The following CAMK4 variants were observed in gnomAD, a reference collection of about 807,000 sequenced individuals.
CAMK4 encodes calcium/calmodulin dependent protein kinase IV, also known as calcium/calmodulin-dependent protein kinase type IV.
A neutral mutation model predicts 44.9 loss-of-function variants in CAMK4; 22 were observed. The observed-to-expected ratio is 0.49, with a 90% CI of 0.35 to 0.70. The LOEUF (loss-of-function observed/expected upper bound fraction) is 0.70. Among genes scored for constraint, CAMK4 ranks in the 30% least tolerant of loss-of-function variants. The pLI is 0.01. For synonymous variants in CAMK4, 218 were observed against 215.4 expected (o/e 1.01, Z -0.11); for missense variants, 498 against 586.8 (o/e 0.85, Z 1.56).
At chr5:111,399,826 T>A (rs1466091499) in intron 5 of CAMK4, among the ~76,000 whole-genome samples, 1 of 152,220 alleles carries the variant, frequency 6.6e-6, no homozygotes, top group Non-Finnish European at 1.5e-5. Flanking sequence ...TCCGTTCAGA[T>A]CAGCTCTTGA....
intron 1 of CAMK4, among the ~76,000 whole-genome samples, chr5:111,284,621 A>G (rs1751166034): frequency 6.6e-6 from 1 of 152,200 alleles, no homozygotes; most frequent in Non-Finnish European, 1.5e-5. Flanking sequence ...GAGCTGCAAG[A>G]ACTTCCCTGG....
chr5:111,308,735 A>T (rs1387864993), intron 1 of CAMK4, among the ~76,000 whole-genome samples: 1 of 152,224 alleles, frequency 6.6e-6, no homozygotes, highest in East Asian at 1.9e-4. Context: ...ATAGCTTATT[A>T]CCGGAGCTTT....
At chr5:111,330,093 C>G (rs1205160457) in intron 1 of CAMK4, among the ~76,000 whole-genome samples, 8 of 143,970 alleles carry the variant, frequency 5.6e-5, no homozygotes, top group African/African-American at 2.0e-4. Flanking sequence ...CTCCCCACCA[C>G]CCCTACAAAA....
At chr5:111,383,560 A>G (rs544801270) in intron 4 of CAMK4, among the ~76,000 whole-genome samples, 1 of 152,164 alleles carries the variant, frequency 6.6e-6, no homozygotes, top group Non-Finnish European at 1.5e-5. Context: ...CCATGGAGGC[A>G]GTACAGTGGG....
At chr5:111,267,703 C>CAA (rs59699712) in intron 1 of CAMK4, among the ~76,000 whole-genome samples, 445 of 71,400 alleles carry the variant, frequency 6.2e-3, no homozygotes, top group East Asian at 7.0e-3. Flanking sequence ...GACTCCGTCT[C>CAA]AAAAAAAAAA....
intron 5 of CAMK4, among the ~76,000 whole-genome samples, chr5:111,432,872 T>C (rs1313222924): frequency 6.6e-6 from 1 of 152,010 alleles, no homozygotes; most frequent in Non-Finnish European, 1.5e-5. Flanking sequence ...AAAAACCTAC[T>C]AAATACCATG....
chr5:111,339,194 T>C (rs141968704), intron 1 of CAMK4, among the ~76,000 whole-genome samples: 176 of 151,476 alleles, frequency 1.2e-3, no homozygotes, highest in African/African-American at 4.1e-3. Flanking sequence ...TTTATTCTGC[T>C]GATTGTCTCC....
At chr5:111,225,847 A>T (rs967852650) in intron 1 of CAMK4, among the ~76,000 whole-genome samples, 1 of 152,200 alleles carries the variant, frequency 6.6e-6, no homozygotes, top group African/African-American at 2.4e-5. Flanking sequence ...CACTGTTAAA[A>T]ATGTTTTGAA....
rs73216049 is a variant in CAMK4 at position 111,394,789 on chromosome 5, A to G, written c.459+7A>G. 522 of 1,573,922 alleles carry G rather than the reference A, an allele frequency of 3.3e-4. 2 individuals carry two copies. In the African/African-American group the frequency reaches 6.0e-3, roughly 18 times the overall value. Reference sequence around the variant, plus strand: ...AATCCTGGAGGCAGTTGCTGTAAGTATGAAGTAACAGCAATGGTGTAACTC... The same window carrying G: ...AATCCTGGAGGCAGTTGCTGTAAGTGTGAAGTAACAGCAATGGTGTAACTC... On this transcript the variant is annotated splice_region_variant and intron_variant, in intron 5 of 10. Transcript: ENST00000282356.
At chr5:111,420,496 G>A (rs2112915845) in intron 5 of CAMK4, among the ~76,000 whole-genome samples, 1 of 152,284 alleles carries the variant, frequency 6.6e-6, no homozygotes, top group South Asian at 2.1e-4. Context: ...AGTGGTGAGA[G>A]AGGGCATCCC....
chr5:111,418,739 A>G (rs1752908006), intron 5 of CAMK4, among the ~76,000 whole-genome samples: 1 of 152,064 alleles, frequency 6.6e-6, no homozygotes, highest in African/African-American at 2.4e-5. Flanking sequence ...GATGGTTTCC[A>G]GTTTCATCCA....
intron 5 of CAMK4, among the ~76,000 whole-genome samples, chr5:111,409,173 C>T (rs939436314): frequency 2.0e-5 from 3 of 152,222 alleles, no homozygotes; most frequent in Admixed American, 1.3e-4. Context: ...CCCCTCTGCA[C>T]TACCCTAGCA....
At chr5:111,403,065 C>T (rs532566426) in intron 5 of CAMK4, among the ~76,000 whole-genome samples, 2 of 152,240 alleles carry the variant, frequency 1.3e-5, no homozygotes, top group South Asian at 4.2e-4. Flanking sequence ...GTATAATTTT[C>T]CATCCATTTA....
rs1242068288 is a variant in CAMK4 at position 111,485,300 on chromosome 5, C to A, written c.*834C>A. 6.6e-6 allele frequency: 1 copy of A among 152,124 alleles called. No homozygotes were observed. Among genetic ancestry groups the A allele is most frequent in the South Asian group, 2.1e-4 (1 of 4,822 alleles). The allele number at this position is 152,124 out of a possible 1,614,324, so 9.4% of individuals were successfully genotyped here. On this transcript the variant is annotated 3_prime_UTR_variant, in exon 11 of 11. Transcript: ENST00000282356. ...AAACTGATGAAGATAAGATTGATTC[C>A]TTTTCATTTTCCAGATAAAATTGTA...
intron 1 of CAMK4, among the ~76,000 whole-genome samples, chr5:111,340,806 C>T (rs1279513124): frequency 6.6e-6 from 1 of 150,956 alleles, no homozygotes; most frequent in Admixed American, 6.6e-5. Context: ...TGGTAAAATT[C>T]AGCAGTGAAG....
intron 5 of CAMK4, among the ~76,000 whole-genome samples, chr5:111,433,754 C>T (rs185078205): frequency 9.9e-4 from 151 of 152,254 alleles, no homozygotes; most frequent in African/African-American, 3.4e-3. Context: ...TACAGCATGG[C>T]TTAGGAATAG....
chr5:111,270,175 A>G (rs1346046487), intron 1 of CAMK4: 1 of 152,254 alleles, frequency 6.6e-6, no homozygotes, highest in Non-Finnish European at 1.5e-5. Flanking sequence ...GGAGAAGTGA[A>G]AACACATCTA....
intron 5 of CAMK4, among the ~76,000 whole-genome samples, chr5:111,444,941 G>A (rs1019634762): frequency 3.9e-5 from 6 of 152,188 alleles, no homozygotes; most frequent in Non-Finnish European, 7.3e-5. Flanking sequence ...CTCAGCAAAA[G>A]TTAAAACTAC....
At chr5:111,457,313 A>T (rs376190667) in intron 7 of CAMK4, among the ~76,000 whole-genome samples, 1 of 152,236 alleles carries the variant, frequency 6.6e-6, no homozygotes, top group Non-Finnish European at 1.5e-5. Flanking sequence ...AAAGCTTTTA[A>T]ATAGGAATAA....
Sources: allele counts gnomAD v4.1 joint callset (sites outside exome capture counted in the v4.1 genomes callset), GRCh38; gene constraint gnomAD v4.1.1; transcripts MANE v1.5; gene names NCBI Gene and HGNC (gene_info 2026-07-23, HGNC 2026-07-21).